CD38: variants seen among roughly 807,000 people sequenced by gnomAD.
CD38 encodes CD38 molecule.
A neutral mutation model predicts 36.3 loss-of-function variants in CD38; 31 were observed. The observed-to-expected ratio is 0.85, with a 90% CI of 0.64 to 1.15. The LOEUF is 1.15. Ranked by LOEUF, CD38 falls within the 50% of genes most tolerant of loss-of-function variation. The pLI is 0.00. For missense variants in CD38, 380 were observed against 371.9 expected (o/e 1.02, Z -0.18); for synonymous variants, 131 against 135.2 (o/e 0.97, Z 0.22).
chr4:15,835,492 C>A (rs1391193744), intron 4 of CD38, among the ~76,000 whole-genome samples: 1 of 147,732 alleles, frequency 6.8e-6, no homozygotes, highest in Non-Finnish European at 1.5e-5. Context: ...ATTCTCCTAC[C>A]TCAGCCTCCC....
chr4:15,826,841 C>A (rs1397874088), intron 3 of CD38, among the ~76,000 whole-genome samples: 1 of 152,144 alleles, frequency 6.6e-6, no homozygotes, highest in African/African-American at 2.4e-5. Context: ...ATTTTTGGCT[C>A]ATTTCAGAAG....
At chr4:15,813,971 G>A (rs538915528) in intron 1 of CD38, among the ~76,000 whole-genome samples, 5 of 152,260 alleles carry the variant, frequency 3.3e-5, no homozygotes, top group Middle Eastern at 3.4e-3. Flanking sequence ...CCCAGTAATG[G>A]GATTGCTGGG....
intron 3 of CD38, among the ~76,000 whole-genome samples, chr4:15,826,469 A>G (rs398051052): frequency 0.014 from 2,186 of 151,374 alleles, 41 homozygotes; most frequent in African/African-American, 0.041. Context: ...GCACACACAC[A>G]CACACACACA....
At chr4:15,822,150 C>G (rs1004598921) in intron 2 of CD38, among the ~76,000 whole-genome samples, 1 of 152,016 alleles carries the variant, frequency 6.6e-6, no homozygotes, top group Non-Finnish European at 1.5e-5. Context: ...CATCCCTTCA[C>G]GTTAAAAACT....
At chr4:15,825,217 T>A (rs1198764921) in intron 3 of CD38, 4 of 536,646 alleles carry the variant, frequency 7.5e-6, no homozygotes, top group Admixed American at 3.3e-5. Flanking sequence ...GAGGTTTATT[T>A]GACTCACAGT....
chr4:15,821,352 A>G (rs975348888), intron 2 of CD38, among the ~76,000 whole-genome samples: 1 of 152,058 alleles, frequency 6.6e-6, no homozygotes. Context: ...AGCAGAACTG[A>G]AGGAGATAGA....
At chr4:15,780,514 TCTCTCA>T (rs1174107492) in intron 1 of CD38, among the ~76,000 whole-genome samples, 8 of 112,956 alleles carry the variant, frequency 7.1e-5, no homozygotes, top group Admixed American at 3.0e-4. Context: ...TAATATTCTC[TCTCTCA>T]CACACACACA....
At chr4:15,790,788 C>T (rs1006807403) in intron 1 of CD38, among the ~76,000 whole-genome samples, 9 of 148,398 alleles carry the variant, frequency 6.1e-5, no homozygotes, top group African/African-American at 1.8e-4. Context: ...TCTGCCCGGC[C>T]GCCCATCGTC....
At position 15,807,980 on chromosome 4, in the gene CD38, C is replaced by A. The variant is rs1362852356; in HGVS notation, c.234-8531C>A. On this transcript the variant is annotated intron_variant, in intron 1 of 7. Coordinates refer to ENST00000226279, the MANE Select transcript of CD38 (RefSeq NM_001775.4). ...CGAAACCTCACTTAGTGACTTTATT[C>A]ATTCTTCTGGGCCTGAAAGCATATG... Among the ~76,000 whole-genome samples the A allele has an allele frequency of 2.0e-5, 3 of 152,284 alleles. No individual in the cohort carries two copies. In the East Asian group the frequency reaches 5.8e-4, roughly 29 times the overall value.
intron 1 of CD38, among the ~76,000 whole-genome samples, chr4:15,788,501 C>A (rs1424963404): frequency 6.6e-6 from 1 of 151,924 alleles, no homozygotes; most frequent in Admixed American, 6.6e-5. Context: ...AGAGGGGAGG[C>A]AGGATGAGAA....
At chr4:15,804,394 A>G (rs2148919236) in intron 1 of CD38, among the ~76,000 whole-genome samples, 1 of 152,326 alleles carries the variant, frequency 6.6e-6, no homozygotes, top group Non-Finnish European at 1.5e-5. Context: ...AAATAGAACT[A>G]CCATATGATC....
At chr4:15,801,314 A>G (rs1432818843) in intron 1 of CD38, among the ~76,000 whole-genome samples, 2 of 148,370 alleles carry the variant, frequency 1.3e-5, no homozygotes, top group African/African-American at 4.9e-5. Context: ...TTTCCCAATT[A>G]AAAAAAAAAG....
At chr4:15,826,459 GCA>G (rs67475051) in intron 3 of CD38, among the ~76,000 whole-genome samples, 10,787 of 146,202 alleles carry the variant, frequency 0.074, 397 homozygotes, top group Admixed American at 0.076. Context: ...ACTTTTGTGC[GCA>G]CACACACACA....
In CD38 at chr4:15,778,564, G is replaced by C. The variant is rs1402338139; in HGVS notation, c.150G>C (p.Trp50Cys). The C allele has an allele frequency of 3.1e-6, 5 of 1,613,516 alleles. No individual in the cohort carries two copies. Among genetic ancestry groups the C allele is most frequent in the Non-Finnish European group, 3.4e-6 (4 of 1,180,008 alleles). The change falls in exon 1 of 8, where the codon TGG becomes TGC. Residue 50 changes from tryptophan to cysteine, a missense_variant. Transcript: ENST00000226279. The surrounding 1 kb of genome is among the most constrained non-coding windows in gnomAD (Gnocchi z 4.9). ...TCGTCCCGAGGTGGCGCCAGCAGTG[G>C]AGCGGTCCGGGCACCACCAAGCGCT... ...AVVVPRWRQQWSGPGTTKRFP... is the reference protein window; with the variant it reads ...AVVVPRWRQQCSGPGTTKRFP...
chr4:15,839,613 C>T (rs990582553), intron 5 of CD38, among the ~76,000 whole-genome samples: 3 of 151,140 alleles, frequency 2.0e-5, no homozygotes, highest in Admixed American at 1.3e-4. Context: ...TTAGTAGAGA[C>T]GGGGTTTCAT....
chr4:15,828,208 G>T (rs935579599), intron 3 of CD38, among the ~76,000 whole-genome samples: 1 of 152,020 alleles, frequency 6.6e-6, no homozygotes, highest in Non-Finnish European at 1.5e-5. Flanking sequence ...TAGAGACAGG[G>T]TTTCACCATG....
At chr4:15,796,510 G>A (rs958581285) in intron 1 of CD38, among the ~76,000 whole-genome samples, 1 of 151,866 alleles carries the variant, frequency 6.6e-6, no homozygotes. Flanking sequence ...TGGAATAGTA[G>A]TACAAATACC....
At chr4:15,828,191 T>C (rs932764010) in intron 3 of CD38, among the ~76,000 whole-genome samples, 1 of 150,762 alleles carries the variant, frequency 6.6e-6, no homozygotes, top group African/African-American at 2.5e-5. Context: ...ATTTTTTGTA[T>C]TTTTTTTAGA....
chr4:15,842,351 T>C (rs1223308980), intron 7 of CD38, among the ~76,000 whole-genome samples: 3 of 130,982 alleles, frequency 2.3e-5, no homozygotes, highest in South Asian at 2.6e-4. Flanking sequence ...CTGAGGGTCC[T>C]GTCTGTTAGA....
Sources: gnomAD v4.1 joint callset for allele counts (sites outside exome capture counted in the v4.1 genomes callset) on GRCh38, gnomAD v4.1.1 for gene constraint, Gnocchi (gnomAD v3.1) non-coding constraint, MANE v1.5 for transcripts, NCBI Gene and HGNC (gene_info 2026-07-23, HGNC 2026-07-21) for gene names.